The following BCAT1 variants were observed in gnomAD, a reference collection of about 807,000 sequenced individuals.
BCAT1 encodes the protein branched chain amino acid transaminase 1.
Under a neutral mutation model 52.4 loss-of-function variants are expected in BCAT1, and 48 were observed. The observed-to-expected ratio is 0.92, with a 90% CI of 0.73 to 1.16. BCAT1 has a LOEUF of 1.16. Ranked by LOEUF, BCAT1 falls within the 50% of genes most tolerant of loss-of-function variation. BCAT1 has a pLI of 0.00. For missense variants in BCAT1, 451 were observed against 457.1 expected (o/e 0.99, Z 0.12); for synonymous variants, 167 against 161.3 (o/e 1.04, Z -0.27).
At chr12:24,920,225 A>G (rs79039105) in intron 1 of BCAT1, among the ~76,000 whole-genome samples, 2,035 of 152,274 alleles carry the variant, frequency 0.013, 51 homozygotes, top group African/African-American at 0.046. Flanking sequence ...GAAGATTCAT[A>G]TTGAGTCTTT....
At chr12:24,933,808 C>G (rs966194613) in intron 1 of BCAT1, among the ~76,000 whole-genome samples, 5 of 151,972 alleles carry the variant, frequency 3.3e-5, no homozygotes, top group African/African-American at 1.2e-4. Flanking sequence ...GAAACACCGG[C>G]GGGTGGCGAA....
At chr12:24,913,058 TTTTG>T (rs1943355605) in intron 1 of BCAT1, among the ~76,000 whole-genome samples, 1 of 152,164 alleles carries the variant, frequency 6.6e-6, no homozygotes, top group Non-Finnish European at 1.5e-5. Context: ...TTTTGTTTTG[TTTTG>T]TTTGTTTTTT....
In BCAT1 at chr12:24,948,996, CT is replaced by C; in HGVS notation, c.-65del. On this transcript the variant is annotated 5_prime_UTR_variant, in exon 1 of 11. Coordinates refer to ENST00000261192, the MANE Select transcript of BCAT1 (RefSeq NM_005504.7). Reference sequence around the variant, plus strand: ...GGGCAGATCCCAAGGGTCGTAGCCCCTGGCCGTGTGGACCGGGTCTGCGGCT... The same window carrying C: ...GGGCAGATCCCAAGGGTCGTAGCCCCGGCCGTGTGGACCGGGTCTGCGGCT... 1.9e-6 allele frequency: 3 copies of C among 1,553,486 alleles called. No individual in the cohort carries two copies. Among genetic ancestry groups the C allele is most frequent in the Non-Finnish European group, 2.6e-6 (3 of 1,144,712 alleles).
At chr12:24,843,108 C>A (rs1388844249) in intron 6 of BCAT1, among the ~76,000 whole-genome samples, 1 of 152,138 alleles carries the variant, frequency 6.6e-6, no homozygotes, top group Non-Finnish European at 1.5e-5. Context: ...AAACTCTAGT[C>A]CTCCTGTTGC....
intron 5 of BCAT1, among the ~76,000 whole-genome samples, chr12:24,857,228 G>C (rs904946538): frequency 6.6e-6 from 1 of 152,128 alleles, no homozygotes; most frequent in African/African-American, 2.4e-5. Flanking sequence ...CTGACTCCCT[G>C]TCTTGAATCT....
At chr12:24,863,401 T>TA (rs760505962) in intron 5 of BCAT1, among the ~76,000 whole-genome samples, 2 of 152,186 alleles carry the variant, frequency 1.3e-5, no homozygotes, top group Non-Finnish European at 2.9e-5. Context: ...ACAAAGAGCA[T>TA]AAAAATGACT....
chr12:24,813,119 T>C lies in BCAT1; in HGVS notation c.*4889A>G, dbSNP rs545650060. 2.0e-5 allele frequency: 3 copies of C among 152,052 alleles called. No homozygotes were observed. In the East Asian group the frequency reaches 5.8e-4, roughly 29 times the overall value. 9.4% of individuals were successfully genotyped at this position (152,052 alleles called of 1,614,324 possible). A position where few individuals can be genotyped will look rare whatever the true frequency, so the allele number is the denominator to read the frequency against. On this transcript the variant is annotated 3_prime_UTR_variant, in exon 11 of 11. Coordinates refer to ENST00000261192, the MANE Select transcript of BCAT1 (RefSeq NM_005504.7). The stretch of plus-strand genomic sequence containing the variant: ...CATGCCTTTATCATTTTGAAGCAAA[T>C]ATGTTTATATATGTCTGACCCCAGG...
At chr12:24,881,939 T>G (rs1207585241) in intron 3 of BCAT1, among the ~76,000 whole-genome samples, 1 of 152,120 alleles carries the variant, frequency 6.6e-6, no homozygotes, top group Non-Finnish European at 1.5e-5. Context: ...CCACGTCACC[T>G]CCCTCAATCA....
chr12:24,948,598 G>A (rs539506039), intron 1 of BCAT1, among the ~76,000 whole-genome samples: 1 of 152,080 alleles, frequency 6.6e-6, no homozygotes, highest in African/African-American at 2.4e-5. Flanking sequence ...CTGTGCATAG[G>A]AGAAACTGAG....
At chr12:24,926,862 T>G (rs111297773) in intron 1 of BCAT1, among the ~76,000 whole-genome samples, 3,221 of 152,204 alleles carry the variant, frequency 0.021, 88 homozygotes, top group East Asian at 0.062. Flanking sequence ...CCAGAGACCT[T>G]TGTTCACTCG....
At chr12:24,908,766 T>A (rs566431070) in intron 1 of BCAT1, among the ~76,000 whole-genome samples, 4 of 152,126 alleles carry the variant, frequency 2.6e-5, no homozygotes, top group African/African-American at 9.7e-5. Context: ...CATTAAAAAT[T>A]TTTTCAAATG....
rs77588243 is a variant in BCAT1, at chr12:24,839,188, G to C, written c.818-2592C>G. 6.3e-3 allele frequency among the ~76,000 whole-genome samples: 965 copies of C among 152,338 alleles called. 10 individuals are homozygous for C. The highest frequency in any genetic ancestry group is 8.2e-3 in the Non-Finnish European group (557 of 68,026). ...ATGGAGAATGCTGGAATGCTGAGGA[G>C]AAATGGGAAATGGAGTTTATGATTT... is the stretch of plus-strand genomic sequence containing the variant. On this transcript the variant is annotated intron_variant, in intron 7 of 10. Coordinates refer to ENST00000261192, the MANE Select transcript of BCAT1 (RefSeq NM_005504.7).
intron 7 of BCAT1, among the ~76,000 whole-genome samples, chr12:24,841,183 T>A (rs1438999870): frequency 1.3e-5 from 2 of 152,222 alleles, no homozygotes; most frequent in Admixed American, 1.3e-4. Context: ...AGGATCTAGT[T>A]ACAATCCCAA....
intron 1 of BCAT1, among the ~76,000 whole-genome samples, chr12:24,945,071 G>C (rs1943915259): frequency 6.6e-6 from 1 of 152,162 alleles, no homozygotes. Flanking sequence ...CTATTTTAAG[G>C]ATATGAGTAC....
At chr12:24,892,047 T>G (rs942079926) in intron 3 of BCAT1, among the ~76,000 whole-genome samples, 4 of 150,954 alleles carry the variant, frequency 2.6e-5, no homozygotes, top group East Asian at 3.9e-4. Context: ...GTGAGCCACC[T>G]CGCCTGGCCG....
intron 1 of BCAT1, among the ~76,000 whole-genome samples, chr12:24,928,019 A>G (rs1943618954): frequency 6.6e-6 from 1 of 152,220 alleles, no homozygotes; most frequent in African/African-American, 2.4e-5. Context: ...CATTGCATTC[A>G]ATGCTTTACT....
At position 24,832,883 on chromosome 12, in the gene BCAT1, T is replaced by A. The variant is rs1479576268; in HGVS notation, c.904-20A>T. ...TTCACCCTGCATGGAATATAAAAAA[T>A]AACAAGTATATTTTAAAGGAAAAGG... On this transcript the variant is annotated intron_variant, in intron 8 of 10. Coordinates refer to ENST00000261192, the MANE Select transcript of BCAT1 (RefSeq NM_005504.7). The A allele has an allele frequency of 6.3e-7, 1 of 1,590,274 alleles. No individual in the cohort carries two copies. Among genetic ancestry groups the A allele is most frequent in the Admixed American group, 1.8e-5 (1 of 55,860 alleles).
At chr12:24,837,436 ATTTTTTTTTT>A (rs35427447) in intron 7 of BCAT1, among the ~76,000 whole-genome samples, 1 of 121,936 alleles carries the variant, frequency 8.2e-6, no homozygotes, top group Non-Finnish European at 1.7e-5. Flanking sequence ...GGAAAGTCTA[ATTTTTTTTTT>A]TTTTTTTTTT....
At chr12:24,887,295 C>T (rs1591840722) in intron 3 of BCAT1, among the ~76,000 whole-genome samples, 1 of 151,358 alleles carries the variant, frequency 6.6e-6, no homozygotes, top group African/African-American at 2.4e-5. Flanking sequence ...TGGAGTGGAC[C>T]ATGTCATCTC....
Sources: gnomAD v4.1 joint callset for allele counts (sites outside exome capture counted in the v4.1 genomes callset) on GRCh38, gnomAD v4.1.1 for gene constraint, MANE v1.5 for transcripts, NCBI Gene and HGNC (gene_info 2026-07-23, HGNC 2026-07-21) for gene names.